The following MPHOSPH8 variants were observed in gnomAD, a reference collection of about 807,000 sequenced individuals.
MPHOSPH8 encodes M-phase phosphoprotein 8.
In MPHOSPH8, 45 loss-of-function variants were observed where a neutral mutation model predicts 87.3. That is an observed-to-expected ratio of 0.52 (90% confidence interval 0.41 to 0.66). The LOEUF is 0.66. MPHOSPH8 is among the 30% of genes least tolerant of loss of function. The probability of loss-of-function intolerance (pLI) is 0.00; values close to 1 mark genes in which losing one functional copy is unlikely to be tolerated. For synonymous variants in MPHOSPH8, 366 were observed against 376.9 expected (o/e 0.97, Z 0.33); for missense variants, 883 against 1,020.2 (o/e 0.87, Z 1.83).
chr13:19,666,287 G>A, intron 9 of MPHOSPH8, 138 bp from the exon 10 acceptor site: 1 of 811,430 alleles, frequency 1.2e-6, no homozygotes. Context: ...TGGCCTGACG[G>A]GCCCCAAAAG....
intron 2 of MPHOSPH8, among the ~76,000 whole-genome samples, chr13:19,643,216 T>A (rs1372794704): frequency 6.6e-6 from 1 of 152,180 alleles, no homozygotes; most frequent in Non-Finnish European, 1.5e-5. Context: ...TGTCTTCAGG[T>A]TATACGTAGA....
intron 1 of MPHOSPH8, among the ~76,000 whole-genome samples, chr13:19,635,238 AG>A (rs1467844269): frequency 2.6e-5 from 4 of 152,202 alleles, no homozygotes; most frequent in African/African-American, 9.7e-5. Flanking sequence ...ATATTCGGCT[AG>A]GGCCGGGCGC....
chr13:19,669,580 C>T (rs1211743805), intron 11 of MPHOSPH8, among the ~76,000 whole-genome samples: 2 of 150,118 alleles, frequency 1.3e-5, no homozygotes, highest in Admixed American at 6.7e-5. Context: ...GCGATCTCGG[C>T]TCACTGCAAC....
chr13:19,651,956 G>A lies in MPHOSPH8; in HGVS notation c.1576+1696G>A, dbSNP rs964112422. Among the ~76,000 whole-genome samples, 22 of 150,410 alleles carry A rather than the reference G, an allele frequency of 1.5e-4. 1 individual carries two copies. Among genetic ancestry groups the A allele is most frequent in the South Asian group, 4.2e-4 (2 of 4,776 alleles). On this transcript the variant is annotated intron_variant, in intron 5 of 13. Coordinates refer to ENST00000361479, the MANE Select transcript of MPHOSPH8 (RefSeq NM_017520.4). The stretch of plus-strand genomic sequence containing the variant: ...CTACTAAAAATACAAAAAAAAATTC[G>A]CTGGGCATGGTGGTGCGTGCCTGCA...
intron 2 of MPHOSPH8, among the ~76,000 whole-genome samples, chr13:19,646,009 G>A (rs1874544673): frequency 6.6e-6 from 1 of 152,054 alleles, no homozygotes; most frequent in South Asian, 2.1e-4. Context: ...GTCAAACGTA[G>A]GAGCAAGTTT....
rs1255306298 is a variant in MPHOSPH8 at position 19,673,093 on chromosome 13, T to G, written c.*1218T>G. The stretch of plus-strand genomic sequence containing the variant: ...AGTTTCTTGGAACCTATACGGTTTT[T>G]TTTTGTTTTTTTTTTTTGAAAAGCC... On this transcript the variant is annotated 3_prime_UTR_variant, in exon 14 of 14. Coordinates refer to ENST00000361479, the MANE Select transcript of MPHOSPH8 (RefSeq NM_017520.4). 1 of 356,722 alleles carries G rather than the reference T, an allele frequency of 2.8e-6. No individual in the cohort carries two copies. Among genetic ancestry groups the G allele is most frequent in the African/African-American group, 3.2e-5 (1 of 31,112 alleles). The allele number at this position is 356,722 out of a possible 1,614,324, so 22.1% of individuals were successfully genotyped here. A position where few individuals can be genotyped will look rare whatever the true frequency, so the allele number is the denominator to read the frequency against.
At chr13:19,646,392 C>T (rs1404512876) in intron 2 of MPHOSPH8, 51 bp from the exon 3 acceptor site, 1 of 1,318,202 alleles carries the variant, frequency 7.6e-7, no homozygotes, top group Admixed American at 3.1e-5. Flanking sequence ...TTTTCAAAAC[C>T]TTTAAAATCA....
chr13:19,670,114 A>T lies in MPHOSPH8; in HGVS notation c.2330-122A>T, dbSNP rs1275460201. On this transcript the variant is annotated intron_variant, in intron 11 of 13. Coordinates refer to ENST00000361479, the MANE Select transcript of MPHOSPH8 (RefSeq NM_017520.4). ...GCCAGCCTCCTCTGAGCCTCCAGGC[A>T]GAGTGGGTGATGCCTGTCTGACCAG... 11 of 1,160,052 alleles carry T rather than the reference A, an allele frequency of 9.5e-6. 1 individual carries two copies. The highest frequency in any genetic ancestry group is 3.7e-6 in the Non-Finnish European group (3 of 809,034). The allele number at this position is 1,160,052 out of a possible 1,614,324, so 71.9% of individuals were successfully genotyped here.
chr13:19,648,607 T>C (rs1874691403), intron 4 of MPHOSPH8, 86 bp downstream of exon 4: 2 of 562,350 alleles, frequency 3.6e-6, no homozygotes, highest in Non-Finnish European at 5.3e-6. Flanking sequence ...TATAAAAATT[T>C]ATATAATTTT....
intron 13 of MPHOSPH8, 34 bp from the exon 14 acceptor site, chr13:19,671,800 C>T (rs563262412): frequency 4.2e-5 from 67 of 1,607,476 alleles, no homozygotes; most frequent in Non-Finnish European, 5.4e-5. Context: ...AAATCTGGAT[C>T]TGTACTGACA....
chr13:19,666,111 GTCTGT>G (rs1565943506), intron 9 of MPHOSPH8, among the ~76,000 whole-genome samples: 2 of 152,222 alleles, frequency 1.3e-5, no homozygotes, highest in Admixed American at 1.3e-4. Context: ...AAGGCCTGGT[GTCTGT>G]TCTGTCTTGG....
At chr13:19,641,480 CTTTTTT>C (rs869295535) in intron 1 of MPHOSPH8, among the ~76,000 whole-genome samples, 2 of 72,258 alleles carry the variant, frequency 2.8e-5, no homozygotes, top group Non-Finnish European at 4.8e-5. Context: ...GTGCCACCAT[CTTTTTT>C]TTTTTTTTTT....
chr13:19,646,979 G>A lies in MPHOSPH8; in HGVS notation c.906G>A (p.Gln302=), dbSNP rs376037584. 1,420 of 1,594,432 alleles carry A rather than the reference G, an allele frequency of 8.9e-4. 11 individuals are homozygous for A. The highest frequency in any genetic ancestry group is 7.2e-3 in the South Asian group (630 of 87,428). Residue 302 remains glutamine, a synonymous_variant, in exon 3 of 14, where the codon CAG becomes CAA. Coordinates refer to ENST00000361479, the MANE Select transcript of MPHOSPH8 (RefSeq NM_017520.4). ...AAAGTGCAAGAGAGAGAGCAGGGCA[G>A]GACATGGGGCTGGAGCATGGCTTTG... ...NTKSARERAG[Q]DMGLEHGFEK...
At chr13:19,658,897 T>C in intron 5 of MPHOSPH8, 98 bp from the exon 6 acceptor site, 4 of 1,436,494 alleles carry the variant, frequency 2.8e-6, no homozygotes, top group African/African-American at 1.4e-5. Context: ...AAAGTGTACA[T>C]AAAGCTTTGG....
intron 5 of MPHOSPH8, 132 bp from the exon 6 acceptor site, chr13:19,658,863 C>A: frequency 1.8e-6 from 2 of 1,086,480 alleles, no homozygotes; most frequent in African/African-American, 3.2e-5. Flanking sequence ...ATTAAAAGAC[C>A]CCATTATACA....
intron 5 of MPHOSPH8, among the ~76,000 whole-genome samples, chr13:19,652,390 ACT>A (rs1278128047): frequency 6.6e-6 from 1 of 151,990 alleles, no homozygotes; most frequent in Non-Finnish European, 1.5e-5. Flanking sequence ...GGAACGGTGC[ACT>A]CTGGCCCAGA....
intron 7 of MPHOSPH8, among the ~76,000 whole-genome samples, chr13:19,659,853 A>T (rs1263507205): frequency 6.7e-6 from 1 of 149,502 alleles, no homozygotes; most frequent in Admixed American, 6.7e-5. Context: ...GAGTGAGACC[A>T]TTTTCCTGTG....
intron 1 of MPHOSPH8, 100 bp from the exon 2 acceptor site, chr13:19,642,015 C>T: frequency 9.4e-7 from 1 of 1,059,296 alleles, no homozygotes; most frequent in Non-Finnish European, 1.3e-6. Flanking sequence ...AAGCAATTTT[C>T]AAGTTCTTTC....
chr13:19,635,146 G>T (rs962367858), intron 1 of MPHOSPH8, among the ~76,000 whole-genome samples: 1 of 152,190 alleles, frequency 6.6e-6, no homozygotes, highest in Non-Finnish European at 1.5e-5. Context: ...AGCACTTTGA[G>T]GTGAAAGGAT....
Sources: allele counts gnomAD v4.1 joint callset (sites outside exome capture counted in the v4.1 genomes callset), GRCh38; gene constraint gnomAD v4.1.1; transcripts MANE v1.5; gene names NCBI Gene and HGNC (gene_info 2026-07-23, HGNC 2026-07-21).